Variants in RNF182 observed in about 807,000 individuals in gnomAD.
RNF182 encodes the protein E3 ubiquitin-protein ligase RNF182.
In RNF182, 15 loss-of-function variants were observed where a neutral mutation model predicts 14.4. That is an observed-to-expected ratio of 1.04 (90% confidence interval 0.70 to 1.60). The LOEUF (loss-of-function observed/expected upper bound fraction) is 1.60. Ranked by LOEUF, RNF182 falls within the 40% of genes most tolerant of loss-of-function variation. The probability of loss-of-function intolerance (pLI) is 0.00; values close to 1 mark genes in which losing one functional copy is unlikely to be tolerated. For missense variants in RNF182, 268 were observed against 294.8 expected (o/e 0.91, Z 0.67); for synonymous variants, 128 against 122.9 (o/e 1.04, Z -0.27).
intron 1 of RNF182, among the ~76,000 whole-genome samples, chr6:13,936,314 G>C (rs1328472987): frequency 6.6e-6 from 1 of 152,206 alleles, no homozygotes; most frequent in Non-Finnish European, 1.5e-5. Context: ...TACAGACAAT[G>C]ATGGAAGAGT....
At position 13,934,792 on chromosome 6, in the gene RNF182, G is replaced by A. The variant is rs114452528; in HGVS notation, c.-367+9769G>A. On this transcript the variant is annotated intron_variant, in intron 1 of 2. Transcript: ENST00000488300. ...GATAAATAAAATTGAGATAATTAAT[G>A]CAAATGAGTGGATGAGTACCTTAGA... 3.2e-3 allele frequency among the ~76,000 whole-genome samples: 428 copies of A among 134,082 alleles called. 2 individuals are homozygous for A. Among genetic ancestry groups the A allele is most frequent in the African/African-American group, 0.01 (382 of 38,014 alleles). 88.0% of individuals were successfully genotyped at this position (134,082 alleles called of 152,430 possible).
Position 13,977,014 on chromosome 6 carries a change from T to C in RNF182, c.-106T>C. The C allele has an allele frequency of 8.1e-7, 1 of 1,237,136 alleles. No individual in the cohort carries two copies. The highest frequency in any genetic ancestry group is 2.2e-5 in the Admixed American group (1 of 44,722). The allele number at this position is 1,237,136 out of a possible 1,614,324, so 76.6% of individuals were successfully genotyped here. On this transcript the variant is annotated 5_prime_UTR_variant, in exon 3 of 3. Coordinates refer to ENST00000488300, the MANE Select transcript of RNF182 (RefSeq NM_152737.4). ...TTCTTTCACTACTTATCCTGCCTTT[T>C]TGCATCGCTGCCAGATTTGGATGAT...
intron 1 of RNF182, among the ~76,000 whole-genome samples, chr6:13,928,513 GT>G (rs1403488498): frequency 1.3e-5 from 2 of 151,824 alleles, no homozygotes; most frequent in African/African-American, 2.4e-5. Flanking sequence ...ATTTTGTAAT[GT>G]TTTTTTAAAA....
In RNF182 at chr6:13,979,789, G is replaced by A. The variant is rs560738359; in HGVS notation, c.*1926G>A. The A allele has an allele frequency of 2.9e-4, 49 of 167,048 alleles. No homozygotes were observed. Among genetic ancestry groups the A allele is most frequent in the Admixed American group, 5.2e-4 (8 of 15,294 alleles). 10.3% of individuals were successfully genotyped at this position (167,048 alleles called of 1,614,324 possible). On this transcript the variant is annotated 3_prime_UTR_variant, in exon 3 of 3. Coordinates refer to ENST00000488300, the MANE Select transcript of RNF182 (RefSeq NM_152737.4). ...TCTAGAAAGCTCTGGACATGGGTAC[G>A]ATGTGTTTTGCTTCTCTGTATAATG...
chr6:13,945,356 C>T (rs1006660354), intron 1 of RNF182, among the ~76,000 whole-genome samples: 4 of 152,196 alleles, frequency 2.6e-5, no homozygotes, highest in African/African-American at 4.8e-5. Flanking sequence ...ACTGCCACTT[C>T]GTTGCCAGGG....
chr6:13,956,956 T>C (rs1191179425), intron 1 of RNF182, among the ~76,000 whole-genome samples: 1 of 151,266 alleles, frequency 6.6e-6, no homozygotes, highest in African/African-American at 2.4e-5. Context: ...ACTAATCCCT[T>C]TGTTCTACAT....
chr6:13,953,653 T>C (rs948468414), intron 1 of RNF182, among the ~76,000 whole-genome samples: 1 of 152,028 alleles, frequency 6.6e-6, no homozygotes, highest in African/African-American at 2.4e-5. Flanking sequence ...AAGTAGACAA[T>C]CAGGAGAGAT....
intron 1 of RNF182, among the ~76,000 whole-genome samples, chr6:13,966,668 C>T (rs1485823061): frequency 1.3e-5 from 2 of 151,916 alleles, no homozygotes; most frequent in African/African-American, 4.8e-5. Flanking sequence ...GAGGCTGAGG[C>T]GGGAAGATTG....
At chr6:13,959,386 T>G (rs1473704925) in intron 1 of RNF182, among the ~76,000 whole-genome samples, 1 of 152,226 alleles carries the variant, frequency 6.6e-6, no homozygotes, top group Non-Finnish European at 1.5e-5. Flanking sequence ...AGAGTTTGGA[T>G]TTTAATCTCT....
Position 13,977,634 on chromosome 6 carries a change from A to C in RNF182, c.515A>C (p.Asn172Thr). The change falls in exon 3 of 3, where the codon AAC becomes ACC. Residue 172 changes from asparagine to threonine, a missense_variant. Transcript: ENST00000488300. ...GTGTCACACAACTGGACTGTGTGGA[A>C]CTGCACGTCCCTGCTGTTTCAGACA... ...TTVSHNWTVW[N>T]CTSLLFQTSI... 3.1e-6 allele frequency: 5 copies of C among 1,614,176 alleles called. No individual in the cohort carries two copies. The highest frequency in any genetic ancestry group is 4.2e-6 in the Non-Finnish European group (5 of 1,180,018).
rs2147201 is a variant in RNF182 at position 13,979,295 on chromosome 6, A to G, written c.*1432A>G. The G allele has an allele frequency of 0.35, 58,389 of 166,310 alleles. 10,710 individuals are homozygous for G. Among genetic ancestry groups the G allele is most frequent in the East Asian group, 0.45 (2,333 of 5,186 alleles). The allele number at this position is 166,310 out of a possible 1,614,324, so 10.3% of individuals were successfully genotyped here. A position where few individuals can be genotyped will look rare whatever the true frequency, so the allele number is the denominator to read the frequency against. On this transcript the variant is annotated 3_prime_UTR_variant, in exon 3 of 3. Coordinates refer to ENST00000488300, the MANE Select transcript of RNF182 (RefSeq NM_152737.4). The stretch of plus-strand genomic sequence containing the variant: ...TCACAGAAACTAGGCAAAAATTTAA[A>G]AAAACATTCTAGTCTCTAAAACCCA...
intron 1 of RNF182, among the ~76,000 whole-genome samples, chr6:13,967,521 G>A (rs1760063775): frequency 6.6e-6 from 1 of 151,996 alleles, no homozygotes; most frequent in South Asian, 2.1e-4. Context: ...AGGTTTAATA[G>A]GTATTCTAGA....
At chr6:13,929,253 G>A (rs1391019864) in intron 1 of RNF182, among the ~76,000 whole-genome samples, 1 of 152,180 alleles carries the variant, frequency 6.6e-6, no homozygotes, top group Non-Finnish European at 1.5e-5. Context: ...AAAACTGTGT[G>A]TTTGGCCAAC....
chr6:13,977,280 T>C lies in RNF182; in HGVS notation c.161T>C (p.Phe54Ser). 6.2e-7 allele frequency: 1 copy of C among 1,614,192 alleles called. No homozygotes were observed. The highest frequency in any genetic ancestry group is 8.5e-7 in the Non-Finnish European group (1 of 1,180,018). Residue 54 changes from phenylalanine (F) to serine (S), a missense_variant, in exon 3 of 3, where the codon TTT becomes TCT. Transcript: ENST00000488300. ...AAATGCCTCTACAAGATCATAGACT[T>C]TGGGGACTCCCCACAAGGTGTCATT... Reference protein sequence around the residue: ...CAKCLYKIIDFGDSPQGVIVC... With the variant: ...CAKCLYKIIDSGDSPQGVIVC...
chr6:13,925,258 G>A (rs1173649935), intron 1 of RNF182: 2 of 151,942 alleles, frequency 1.3e-5, no homozygotes, highest in East Asian at 2.0e-4. Flanking sequence ...GCGGCGGAGG[G>A]CGGCTGCGGA....
chr6:13,944,188 A>G (rs1321946776), intron 1 of RNF182, among the ~76,000 whole-genome samples: 2 of 152,178 alleles, frequency 1.3e-5, no homozygotes, highest in African/African-American at 4.8e-5. Flanking sequence ...GTACAAGGAA[A>G]AGATTTACAG....
intron 1 of RNF182, among the ~76,000 whole-genome samples, chr6:13,938,268 C>T (rs1358102465): frequency 1.3e-5 from 2 of 149,924 alleles, no homozygotes; most frequent in East Asian, 1.9e-4. Flanking sequence ...CTGCCAACCT[C>T]GCCCTCCCAA....
intron 1 of RNF182, among the ~76,000 whole-genome samples, chr6:13,937,535 A>G (rs780948149): frequency 5.3e-5 from 8 of 152,202 alleles, no homozygotes; most frequent in Non-Finnish European, 1.2e-4. Flanking sequence ...ATAGTATTTC[A>G]TTGCTGCCTG....
chr6:13,930,682 A>G (rs1437638792), intron 1 of RNF182, among the ~76,000 whole-genome samples: 1 of 152,248 alleles, frequency 6.6e-6, no homozygotes, highest in Non-Finnish European at 1.5e-5. Flanking sequence ...AAAGCAAGTG[A>G]GTAAACATAG....
Sources: gnomAD v4.1 joint callset for allele counts (sites outside exome capture counted in the v4.1 genomes callset) on GRCh38, gnomAD v4.1.1 for gene constraint, MANE v1.5 for transcripts, NCBI Gene and HGNC (gene_info 2026-07-23, HGNC 2026-07-21) for gene names.